The following TWIST2 variants were observed in gnomAD, a reference collection of about 807,000 sequenced individuals.
TWIST2 encodes the protein twist-related protein 2.
TWIST2 carries 1 observed loss-of-function variant against 11.6 expected under a neutral mutation model. The ratio of observed to expected loss-of-function variants is 0.09; its 90% CI spans 0.03 to 0.41. The LOEUF (loss-of-function observed/expected upper bound fraction) is 0.41, where lower values mean the gene tolerates loss of function less well. TWIST2 is among the 10% of genes least tolerant of loss of function. The pLI is 0.98. For missense variants in TWIST2, 168 were observed against 226.4 expected, an observed-to-expected ratio of 0.74 and a Z score of 1.66; for synonymous variants, 87 against 96.6, an observed-to-expected ratio of 0.90 and a Z score of 0.58.
intron 1 of TWIST2, among the ~76,000 whole-genome samples, chr2:238,855,353 C>T (rs149085139): frequency 0.89 from 135,076 of 152,268 alleles, 60,393 homozygotes; most frequent in African/African-American, 0.98. Context: ...TCATTGACAC[C>T]AATGGGCGAA....
chr2:238,907,419 T>C (rs1693370359), intron 1 of TWIST2, among the ~76,000 whole-genome samples: 1 of 152,150 alleles, frequency 6.6e-6, no homozygotes, highest in African/African-American at 2.4e-5. Context: ...CTCCTGCCTG[T>C]GTCTCCTCCC....
intron 1 of TWIST2, among the ~76,000 whole-genome samples, chr2:238,868,028 G>T (rs1692574902): frequency 6.6e-6 from 1 of 152,200 alleles, no homozygotes; most frequent in Non-Finnish European, 1.5e-5. Flanking sequence ...AATAAATGCA[G>T]TATAATGGAA....
chr2:238,882,568 C>T (rs888656234), intron 1 of TWIST2, among the ~76,000 whole-genome samples: 1 of 152,106 alleles, frequency 6.6e-6, no homozygotes, highest in African/African-American at 2.4e-5. Context: ...TTCACCTTGA[C>T]TCCGATTGGC....
At chr2:238,903,146 T>G (rs1693298636) in intron 1 of TWIST2, among the ~76,000 whole-genome samples, 1 of 139,330 alleles carries the variant, frequency 7.2e-6, no homozygotes, top group Admixed American at 7.1e-5. Flanking sequence ...GTGTCTCATG[T>G]GAGGTGTGTA....
intron 1 of TWIST2, among the ~76,000 whole-genome samples, chr2:238,868,470 G>A (rs1369875436): frequency 1.3e-5 from 2 of 152,186 alleles, no homozygotes; most frequent in African/African-American, 4.8e-5. Flanking sequence ...TGGGGGACTG[G>A]CTAAGTCAGG....
intron 1 of TWIST2, among the ~76,000 whole-genome samples, chr2:238,859,399 G>T (rs1324576111): frequency 6.6e-6 from 1 of 151,954 alleles, no homozygotes; most frequent in Non-Finnish European, 1.5e-5. Flanking sequence ...TTCATGGGAG[G>T]GGGTGTCGGG....
At chr2:238,906,861 G>T (rs1693362728) in intron 1 of TWIST2, among the ~76,000 whole-genome samples, 1 of 152,236 alleles carries the variant, frequency 6.6e-6, no homozygotes, top group Non-Finnish European at 1.5e-5. Flanking sequence ...CCGCTCTGCG[G>T]GAGGAGGGTC....
chr2:238,875,046 A>G (rs1692778992), intron 1 of TWIST2, among the ~76,000 whole-genome samples: 2 of 152,196 alleles, frequency 1.3e-5, no homozygotes, highest in Non-Finnish European at 2.9e-5. Context: ...ACAGCAGAGC[A>G]GGCACAGCTG....
chr2:238,878,856 T>G (rs1692855057), intron 1 of TWIST2, among the ~76,000 whole-genome samples: 1 of 152,194 alleles, frequency 6.6e-6, no homozygotes, highest in African/African-American at 2.4e-5. Context: ...TTTATAGTCC[T>G]CCACCTTCAG....
At chr2:238,889,459 T>C (rs1482311142) in intron 1 of TWIST2, among the ~76,000 whole-genome samples, 1 of 152,314 alleles carries the variant, frequency 6.6e-6, no homozygotes. Flanking sequence ...ACCAGATATA[T>C]AAATATCAAA....
chr2:238,907,806 C>T (rs1460385756), intron 1 of TWIST2, among the ~76,000 whole-genome samples: 1 of 150,086 alleles, frequency 6.7e-6, no homozygotes, highest in Non-Finnish European at 1.5e-5. Context: ...AAACACACAC[C>T]ACGCGCCACA....
intron 1 of TWIST2, among the ~76,000 whole-genome samples, chr2:238,855,692 A>G (rs1020891217): frequency 6.6e-6 from 1 of 152,236 alleles, no homozygotes; most frequent in Non-Finnish European, 1.5e-5. Context: ...TTGAGGTTTC[A>G]CTTTATAAAA....
rs938961486 is a variant in TWIST2 at position 238,910,109 on chromosome 2, G to C, written c.*303G>C. 37 of 152,150 alleles carry C rather than the reference G, an allele frequency of 2.4e-4. No homozygotes were observed. Among genetic ancestry groups the C allele is most frequent in the African/African-American group, 7.7e-4 (32 of 41,522 alleles). 9.4% of individuals were successfully genotyped at this position (152,150 alleles called of 1,614,324 possible). On this transcript the variant is annotated 3_prime_UTR_variant, in exon 2 of 2. Coordinates refer to ENST00000612363, the MANE Select transcript of TWIST2 (RefSeq NM_001271893.4). ...ATTTTTCTTCTGGGTCTTATGTTTGGGGGGAGGTTTATTCTTTCTGAAAAT... is the reference window on the plus strand; with the variant it reads ...ATTTTTCTTCTGGGTCTTATGTTTGCGGGGAGGTTTATTCTTTCTGAAAAT...
At chr2:238,905,840 AGTG>A (rs1693332998) in intron 1 of TWIST2, among the ~76,000 whole-genome samples, 1 of 115,414 alleles carries the variant, frequency 8.7e-6, no homozygotes, top group African/African-American at 4.3e-5. Flanking sequence ...CTTTGAAAAA[AGTG>A]TGTGTGTGTG....
chr2:238,906,722 C>G (rs1013604531), intron 1 of TWIST2, among the ~76,000 whole-genome samples: 2 of 152,190 alleles, frequency 1.3e-5, no homozygotes, highest in Admixed American at 6.5e-5. Context: ...ATCCTCCCCC[C>G]AGTGCCTGGG....
chr2:238,888,176 G>A (rs1022157847), intron 1 of TWIST2, among the ~76,000 whole-genome samples: 1 of 152,200 alleles, frequency 6.6e-6, no homozygotes, highest in African/African-American at 2.4e-5. Flanking sequence ...TAACTCAAAT[G>A]TTAGGATGTT....
intron 1 of TWIST2, among the ~76,000 whole-genome samples, chr2:238,905,904 CGT>C (rs1181396136): frequency 0.015 from 2,230 of 144,130 alleles, 37 homozygotes; most frequent in African/African-American, 0.049. Flanking sequence ...CGCGTGTGTG[CGT>C]GTGTGTGCGT....
At chr2:238,879,768 C>G (rs2106363785) in intron 1 of TWIST2, among the ~76,000 whole-genome samples, 1 of 152,328 alleles carries the variant, frequency 6.6e-6, no homozygotes, top group South Asian at 2.1e-4. Flanking sequence ...GGGAAGTTCC[C>G]TGGACCTGCA....
intron 1 of TWIST2, among the ~76,000 whole-genome samples, chr2:238,849,841 G>A (rs1320945174): frequency 6.6e-6 from 1 of 152,196 alleles, no homozygotes; most frequent in Non-Finnish European, 1.5e-5. Flanking sequence ...TCTCTCATCC[G>A]CCATCCAGGG....
Sources: allele counts gnomAD v4.1 joint callset (sites outside exome capture counted in the v4.1 genomes callset), GRCh38; gene constraint gnomAD v4.1.1; transcripts MANE v1.5; gene names NCBI Gene and HGNC (gene_info 2026-07-23, HGNC 2026-07-21).